Variants in RELCH observed in about 807,000 individuals in gnomAD.
RELCH encodes the protein RAB11 binding and LisH domain, coiled-coil and HEAT repeat containing.
In RELCH, 41 loss-of-function variants were observed where a neutral mutation model predicts 150.3. That is an observed-to-expected ratio of 0.27 (90% CI 0.21 to 0.35). RELCH has a LOEUF of 0.35. Among genes scored for constraint, RELCH ranks in the 10% least tolerant of loss-of-function variants. RELCH has a pLI of 1.00. For missense variants in RELCH, 1,092 were observed against 1,467.8 expected (o/e 0.74, Z 4.18); for synonymous variants, 478 against 531.8 (o/e 0.90, Z 1.39).
chr18:62,207,856 T>G (rs948714288), intron 1 of RELCH, among the ~76,000 whole-genome samples: 1 of 152,220 alleles, frequency 6.6e-6, no homozygotes, highest in Admixed American at 6.5e-5. Context: ...AAAATCTACT[T>G]TGTGTTTCTA....
chr18:62,290,996 T>C (rs753126060), intron 26 of RELCH, among the ~76,000 whole-genome samples: 1 of 152,228 alleles, frequency 6.6e-6, no homozygotes, highest in Admixed American at 6.5e-5. Flanking sequence ...AAATCACATC[T>C]GTAATGCAGT....
chr18:62,194,854 A>G lies in RELCH; in HGVS notation c.526+6823A>G, dbSNP rs147769913. Among the ~76,000 whole-genome samples the G allele has an allele frequency of 2.3e-3, 343 of 152,332 alleles. 4 individuals are homozygous for G. Among genetic ancestry groups the G allele is most frequent in the African/African-American group, 7.9e-3 (327 of 41,586 alleles). ...TGAAAATTCAGAATACTTCAGAACA[A>G]TAAATGTATAATAAAAAGTGGTTTT... On this transcript the variant is annotated intron_variant, in intron 1 of 28. Transcript: ENST00000644646.
intron 20 of RELCH, 147 bp downstream of exon 20, chr18:62,269,095 C>T: frequency 2.4e-6 from 1 of 424,460 alleles, no homozygotes; most frequent in Non-Finnish European, 4.3e-6. Context: ...TAATGGATAG[C>T]ATATTTGAAT....
In RELCH at chr18:62,187,290, C is replaced by CA. The variant is rs1447982835; in HGVS notation, c.-215dup. The CA allele has an allele frequency of 2.6e-6, 1 of 385,526 alleles. No individual in the cohort carries two copies. Among genetic ancestry groups the CA allele is most frequent in the African/African-American group, 2.1e-5 (1 of 48,476 alleles). 23.9% of individuals were successfully genotyped at this position (385,526 alleles called of 1,614,324 possible). On this transcript the variant is annotated 5_prime_UTR_variant, in exon 1 of 29. Coordinates refer to ENST00000644646, the MANE Select transcript of RELCH (RefSeq NM_001346231.2). ...AGACTGGAGACCAGGAAGACGCCTG[C>CA]AGAGCCGGGCTGCTGGTGCAGCAGA...
At chr18:62,193,231 CTTTGCTGTAG>C in intron 1 of RELCH, among the ~76,000 whole-genome samples, 1 of 152,154 alleles carries the variant, frequency 6.6e-6, no homozygotes, top group East Asian at 1.9e-4. Flanking sequence ...TATCCTGAGA[CTTTGCTGTAG>C]TTGCCTATCA....
At chr18:62,299,615 G>A (rs752427693) in intron 28 of RELCH, among the ~76,000 whole-genome samples, 3 of 152,112 alleles carry the variant, frequency 2.0e-5, no homozygotes, top group Non-Finnish European at 2.9e-5. Context: ...TAGAATGGAA[G>A]CAGTCTTCTC....
chr18:62,272,820 A>G (rs1043837507), intron 20 of RELCH, among the ~76,000 whole-genome samples: 1 of 151,672 alleles, frequency 6.6e-6, no homozygotes, highest in Non-Finnish European at 1.5e-5. Flanking sequence ...GGTTTTTCTC[A>G]GATTTTCAGC....
chr18:62,261,547 A>G lies in RELCH; in HGVS notation c.2239A>G (p.Met747Val). ...TGGACTGGATGAACACAAACTCCACATGTATCTTTCTGCCTTGCAGTCCTT... is the reference window on the plus strand; with the variant it reads ...TGGACTGGATGAACACAAACTCCACGTGTATCTTTCTGCCTTGCAGTCCTT... ...EHGLDEHKLH[M>V]YLSALQSLIP... Residue 747 changes from methionine (M) to valine (V), a missense_variant, in exon 16 of 29, where the codon ATG (methionine) becomes GTG (valine). By Grantham distance (21) the Met-to-Val change is conservative. Transcript: ENST00000644646. The G allele has an allele frequency of 6.2e-7, 1 of 1,612,016 alleles. No homozygotes were observed.
chr18:62,276,077 C>A (rs1013974808), intron 22 of RELCH, among the ~76,000 whole-genome samples: 3 of 152,126 alleles, frequency 2.0e-5, no homozygotes, highest in African/African-American at 7.2e-5. Flanking sequence ...TTGTACCCAT[C>A]ATATAGCAAA....
At chr18:62,264,215 A>G in intron 17 of RELCH, 70 bp downstream of exon 17, 2 of 1,279,816 alleles carry the variant, frequency 1.6e-6, no homozygotes, top group Non-Finnish European at 2.2e-6. Context: ...CCTAAGAACA[A>G]AATATAACAA....
At chr18:62,201,183 C>T (rs955413434) in intron 1 of RELCH, among the ~76,000 whole-genome samples, 3 of 151,842 alleles carry the variant, frequency 2.0e-5, no homozygotes, top group African/African-American at 7.3e-5. Flanking sequence ...CCGTTTCAGC[C>T]AGGATGGTCT....
chr18:62,253,212 G>A (rs896972723), intron 12 of RELCH, among the ~76,000 whole-genome samples: 1 of 149,324 alleles, frequency 6.7e-6, no homozygotes, highest in Non-Finnish European at 1.5e-5. Context: ...GAACTAAGAT[G>A]CAACAAGAAC....
chr18:62,197,444 G>T (rs898536553), intron 1 of RELCH, among the ~76,000 whole-genome samples: 3 of 152,126 alleles, frequency 2.0e-5, no homozygotes, highest in African/African-American at 7.2e-5. Context: ...GCTTTTAACT[G>T]TGCTGTTCCA....
chr18:62,200,970 T>C, intron 1 of RELCH, among the ~76,000 whole-genome samples: 1 of 99,734 alleles, frequency 1.0e-5, no homozygotes, highest in South Asian at 3.8e-4. Context: ...TTTGCTTTTT[T>C]TTTTTTTTTT....
intron 25 of RELCH, chr18:62,285,941 A>G (rs1218284483): frequency 6.6e-6 from 1 of 152,204 alleles, no homozygotes; most frequent in Non-Finnish European, 1.5e-5. Context: ...TCTGAATTCT[A>G]TAGTAAAGTT....
At chr18:62,215,701 G>C (rs1028276750) in intron 2 of RELCH, among the ~76,000 whole-genome samples, 1 of 152,062 alleles carries the variant, frequency 6.6e-6, no homozygotes, top group Non-Finnish European at 1.5e-5. Flanking sequence ...TTATACCAAG[G>C]TTGAGAAATT....
intron 1 of RELCH, among the ~76,000 whole-genome samples, chr18:62,193,712 C>T (rs1336534569): frequency 6.6e-6 from 1 of 152,148 alleles, no homozygotes; most frequent in African/African-American, 2.4e-5. Context: ...AGGGATGAAG[C>T]CAACTTGATT....
In RELCH at chr18:62,280,710, G is replaced by T. The variant is rs1262687261; in HGVS notation, c.3114+1G>T. 1 of 1,589,464 alleles carries T rather than the reference G, an allele frequency of 6.3e-7. No homozygotes were observed. Among genetic ancestry groups the T allele is most frequent in the Non-Finnish European group, 8.6e-7 (1 of 1,158,422 alleles). On this transcript the variant is annotated splice_donor_variant, in intron 24 of 28. Coordinates refer to ENST00000644646, the MANE Select transcript of RELCH (RefSeq NM_001346231.2). LOFTEE classifies it high-confidence loss of function. ...TATGGAAACAGTAATTCAAAGAGAG[G>T]TAGGAATAATTGAAATTTATTTATG...
At chr18:62,224,611 T>C (rs763047663) in intron 5 of RELCH, among the ~76,000 whole-genome samples, 2 of 152,120 alleles carry the variant, frequency 1.3e-5, no homozygotes, top group Non-Finnish European at 2.9e-5. Flanking sequence ...TATCATATGT[T>C]AGCAACAACC....
Sources: allele counts gnomAD v4.1 joint callset (sites outside exome capture counted in the v4.1 genomes callset), GRCh38; gene constraint gnomAD v4.1.1; transcripts MANE v1.5; gene names NCBI Gene and HGNC (gene_info 2026-07-23, HGNC 2026-07-21).